Variants in TMCC1 observed in about 807,000 individuals in gnomAD.
The protein encoded by TMCC1 is transmembrane and coiled-coil domain family 1.
A neutral mutation model predicts 52.4 loss-of-function variants in TMCC1; 15 were observed. The ratio of observed to expected loss-of-function variants is 0.29; its 90% CI spans 0.19 to 0.44. The LOEUF (loss-of-function observed/expected upper bound fraction) is 0.44, where lower values mean the gene tolerates loss of function less well. Ranked by LOEUF, TMCC1 falls within the 20% of genes least tolerant of loss-of-function variation. The pLI, the probability that TMCC1 is intolerant of heterozygous loss-of-function variation, is 1.00. For missense variants in TMCC1, 503 were observed against 806.0 expected, an observed-to-expected ratio of 0.62 and a Z score of 4.55; for synonymous variants, 279 against 301.9, an observed-to-expected ratio of 0.92 and a Z score of 0.79.
At chr3:129,829,486 T>G (rs1577012601) in intron 3 of TMCC1, among the ~76,000 whole-genome samples, 61 of 129,042 alleles carry the variant, frequency 4.7e-4, no homozygotes, top group South Asian at 2.3e-3. Flanking sequence ...GAGGGGGGGA[T>G]GGGAGATGAT....
intron 2 of TMCC1, among the ~76,000 whole-genome samples, chr3:129,876,465 C>T (rs1281741067): frequency 6.6e-6 from 1 of 151,798 alleles, no homozygotes; most frequent in East Asian, 1.9e-4. Flanking sequence ...ATAATAATTG[C>T]TAAGGACAAT....
At chr3:129,887,599 G>T (rs897152301) in intron 1 of TMCC1, among the ~76,000 whole-genome samples, 6 of 150,228 alleles carry the variant, frequency 4.0e-5, no homozygotes, top group Non-Finnish European at 3.0e-5. Flanking sequence ...TCTTGTACCT[G>T]TATCTCCTCC....
intron 2 of TMCC1, among the ~76,000 whole-genome samples, chr3:129,848,810 T>C (rs916125134): frequency 1.3e-5 from 2 of 152,166 alleles, no homozygotes; most frequent in African/African-American, 4.8e-5. Context: ...CACACTTAAC[T>C]CTTCAAATCT....
Position 129,690,829 on chromosome 3 carries a change from C to G in TMCC1, c.577-19565G>C, listed in dbSNP as rs187269171. 4.9e-4 allele frequency among the ~76,000 whole-genome samples: 74 copies of G among 152,284 alleles called. No individual in the cohort carries two copies. The East Asian group carries it at 0.012, about 24-fold the overall frequency. On this transcript the variant is annotated intron_variant, in intron 4 of 6. Coordinates refer to ENST00000393238, the MANE Select transcript of TMCC1 (RefSeq NM_001017395.5). ...CATTATATAAAAGTAATGATTTTATCTTTTTGAAAAAAATTACCTTTTCAC... is the reference window on the plus strand; with the variant it reads ...CATTATATAAAAGTAATGATTTTATGTTTTTGAAAAAAATTACCTTTTCAC...
intron 1 of TMCC1, among the ~76,000 whole-genome samples, chr3:129,881,076 C>T (rs2061437226): frequency 6.6e-6 from 1 of 151,994 alleles, no homozygotes; most frequent in African/African-American, 2.4e-5. Context: ...GTTGGCCAGG[C>T]TGGTCTTGAT....
intron 4 of TMCC1, among the ~76,000 whole-genome samples, chr3:129,772,769 G>A (rs556464238): frequency 2.0e-5 from 3 of 148,534 alleles, no homozygotes; most frequent in Non-Finnish European, 3.0e-5. Context: ...AAAAATAAAC[G>A]GCCTTTAAAC....
At chr3:129,827,045 A>G (rs2107831432) in intron 4 of TMCC1, among the ~76,000 whole-genome samples, 1 of 152,330 alleles carries the variant, frequency 6.6e-6, no homozygotes, top group South Asian at 2.1e-4. Context: ...CCATCAGCTA[A>G]AGCTAAGACA....
At chr3:129,701,460 A>G (rs2047828066) in intron 4 of TMCC1, among the ~76,000 whole-genome samples, 1 of 152,216 alleles carries the variant, frequency 6.6e-6, no homozygotes, top group Non-Finnish European at 1.5e-5. Flanking sequence ...GCGAACCCCC[A>G]TAACCAGCCA....
chr3:129,818,455 AAACTTTTAAAGAAAAGTTTTAAAG>A (rs1410516353), intron 4 of TMCC1, among the ~76,000 whole-genome samples: 2 of 140,100 alleles, frequency 1.4e-5, no homozygotes, highest in Non-Finnish European at 3.1e-5. Context: ...AGTTTTAAAG[AAACTTTTAAAGAAAAGTTTTAAAG>A]AAACTTTTAA....
intron 2 of TMCC1, among the ~76,000 whole-genome samples, chr3:129,861,394 C>T (rs763168453): frequency 1.6e-4 from 24 of 152,000 alleles, no homozygotes; most frequent in African/African-American, 9.7e-5. Context: ...GAGCCGAGAT[C>T]GCACCACTGC....
chr3:129,892,456 TG>T (rs111410696), intron 1 of TMCC1: 2 of 152,244 alleles, frequency 1.3e-5, no homozygotes, highest in African/African-American at 4.8e-5. Flanking sequence ...GAGAAAAAAA[TG>T]TATCTACCTC....
At chr3:129,743,413 C>T (rs560410164) in intron 4 of TMCC1, among the ~76,000 whole-genome samples, 2 of 152,288 alleles carry the variant, frequency 1.3e-5, no homozygotes, top group Admixed American at 1.3e-4. Context: ...CCATAAAAGA[C>T]TACTTTTGTA....
intron 4 of TMCC1, among the ~76,000 whole-genome samples, chr3:129,752,498 G>A (rs2052616447): frequency 6.6e-6 from 1 of 151,972 alleles, no homozygotes; most frequent in Non-Finnish European, 1.5e-5. Flanking sequence ...TGATCAAAAG[G>A]TATATTAAAT....
In TMCC1 at chr3:129,830,891, G is replaced by C. The variant is rs114583881; in HGVS notation, c.-131+1883C>G. On this transcript the variant is annotated intron_variant, in intron 3 of 6. Coordinates refer to ENST00000393238, the MANE Select transcript of TMCC1 (RefSeq NM_001017395.5). ...AGAATGTGGTACATTTTGAATATCA[G>C]TAAATTCATTTGAGATTTCACAAGC... 6.8e-3 allele frequency among the ~76,000 whole-genome samples: 1,029 copies of C among 152,258 alleles called. 8 individuals carry two copies. Among genetic ancestry groups the C allele is most frequent in the South Asian group, 0.022 (104 of 4,824 alleles).
intron 2 of TMCC1, among the ~76,000 whole-genome samples, chr3:129,836,049 TAACA>T (rs896787294): frequency 6.6e-6 from 1 of 152,146 alleles, no homozygotes; most frequent in Non-Finnish European, 1.5e-5. Context: ...AAAGTCATAC[TAACA>T]AACTGAAACA....
At chr3:129,655,209 C>A (rs2086592959) in intron 5 of TMCC1, 106 bp from the exon 6 acceptor site, 1 of 1,380,696 alleles carries the variant, frequency 7.2e-7, no homozygotes, top group South Asian at 1.4e-5. Flanking sequence ...AATAGAAGCA[C>A]AAAGAAATTG....
chr3:129,756,752 T>C (rs993345517), intron 4 of TMCC1, among the ~76,000 whole-genome samples: 1 of 152,216 alleles, frequency 6.6e-6, no homozygotes. Flanking sequence ...CTCAAAGTGT[T>C]ACATGTTGTA....
intron 4 of TMCC1, among the ~76,000 whole-genome samples, chr3:129,821,971 G>A (rs1329304419): frequency 1.3e-5 from 2 of 152,106 alleles, no homozygotes; most frequent in South Asian, 2.1e-4. Context: ...GGCTAAGGTG[G>A]GTGGTCACTT....
At chr3:129,721,873 C>T (rs2049631834) in intron 4 of TMCC1, among the ~76,000 whole-genome samples, 1 of 45,320 alleles carries the variant, frequency 2.2e-5, no homozygotes, top group African/African-American at 8.0e-5. Context: ...GAGACTCCGT[C>T]TCAAAAACAA....
Sources: allele counts gnomAD v4.1 joint callset (sites outside exome capture counted in the v4.1 genomes callset), GRCh38; gene constraint gnomAD v4.1.1; transcripts MANE v1.5; gene names NCBI Gene and HGNC (gene_info 2026-07-23, HGNC 2026-07-21).